SLC24A2: variants seen among roughly 807,000 people sequenced by gnomAD.
SLC24A2 encodes solute carrier family 24 member 2.
SLC24A2 carries 36 observed loss-of-function variants against 62.0 expected under a neutral mutation model. The ratio of observed to expected loss-of-function variants is 0.58; its 90% CI spans 0.44 to 0.77. SLC24A2 has a LOEUF of 0.77. Among genes scored for constraint, SLC24A2 ranks in the 30% least tolerant of loss-of-function variants. SLC24A2 has a pLI of 0.00. For synonymous variants in SLC24A2, 358 were observed against 294.0 expected, an observed-to-expected ratio of 1.22 and a Z score of -2.23; for missense variants, 846 against 817.9, an observed-to-expected ratio of 1.03 and a Z score of -0.42.
intron 6 of SLC24A2, among the ~76,000 whole-genome samples, chr9:19,574,355 G>A (rs1358509509): frequency 6.6e-6 from 1 of 152,196 alleles, no homozygotes; most frequent in Non-Finnish European, 1.5e-5. Context: ...CACTTGAGAA[G>A]TGACTCTAGG....
intron 4 of SLC24A2, among the ~76,000 whole-genome samples, chr9:19,606,473 C>T (rs1324801710): frequency 6.6e-6 from 1 of 152,228 alleles, no homozygotes; most frequent in South Asian, 2.1e-4. Flanking sequence ...GGTTCAACAA[C>T]AGCACTTAAA....
intron 8 of SLC24A2, among the ~76,000 whole-genome samples, chr9:19,543,162 T>C (rs1429060228): frequency 6.6e-6 from 1 of 152,142 alleles, no homozygotes; most frequent in Non-Finnish European, 1.5e-5. Flanking sequence ...CTTGGGAGGG[T>C]GTATGTGTCC....
chr9:20,047,398 G>A, the SLC24A2 span, among the ~76,000 whole-genome samples: 1 of 151,842 alleles, frequency 6.6e-6, no homozygotes, highest in Non-Finnish European at 1.5e-5. Context: ...ACAAAGGTCA[G>A]AGTCAGGTTA....
the SLC24A2 span, among the ~76,000 whole-genome samples, chr9:20,277,464 C>T: frequency 6.6e-6 from 1 of 151,602 alleles, no homozygotes. Context: ...GACATTTAGG[C>T]AGCCGCAAGA....
At chr9:20,118,659 A>G in the SLC24A2 span, among the ~76,000 whole-genome samples, 3 of 152,106 alleles carry the variant, frequency 2.0e-5, no homozygotes, top group Admixed American at 2.0e-4. Context: ...AAAAAAGAGG[A>G]AAAGAAGCAT....
At chr9:19,612,377 G>A (rs1274334063) in intron 4 of SLC24A2, among the ~76,000 whole-genome samples, 3 of 152,088 alleles carry the variant, frequency 2.0e-5, no homozygotes, top group Admixed American at 6.5e-5. Context: ...CAGAGGTCTT[G>A]CTATGTTGCC....
At chr9:20,079,703 G>A in the SLC24A2 span, among the ~76,000 whole-genome samples, 1 of 152,190 alleles carries the variant, frequency 6.6e-6, no homozygotes, top group Non-Finnish European at 1.5e-5. Flanking sequence ...CTGTGAATGG[G>A]AGTTCACTCA....
At chr9:19,642,055 G>C (rs746103639) in intron 2 of SLC24A2, among the ~76,000 whole-genome samples, 14 of 152,126 alleles carry the variant, frequency 9.2e-5, no homozygotes, top group Non-Finnish European at 1.6e-4. Context: ...GGGAGGGAGG[G>C]GAAGTGTGTG....
At position 19,688,702 on chromosome 9, in the gene SLC24A2, C is replaced by T. The variant is rs181532040; in HGVS notation, c.931-66403G>A. On this transcript the variant is annotated intron_variant, in intron 2 of 10. Coordinates refer to ENST00000341998, the MANE Select transcript of SLC24A2 (RefSeq NM_020344.4). ...TCATTTAGGAAATGCACTAGGAGTGCATTTGCAGAAATTTTTGAATATTAT... is the reference window on the plus strand; with the variant it reads ...TCATTTAGGAAATGCACTAGGAGTGTATTTGCAGAAATTTTTGAATATTAT... Among the ~76,000 whole-genome samples the T allele has an allele frequency of 8.3e-4, 127 of 152,168 alleles. 3 individuals carry two copies. The highest frequency in any genetic ancestry group is 2.6e-3 in the African/African-American group (110 of 41,556).
chr9:20,244,720 T>G, the SLC24A2 span, among the ~76,000 whole-genome samples: 4 of 152,238 alleles, frequency 2.6e-5, no homozygotes, highest in East Asian at 7.7e-4. Flanking sequence ...AGGGAAATTA[T>G]GATGGGGAAG....
the SLC24A2 span, among the ~76,000 whole-genome samples, chr9:20,264,121 G>T: frequency 6.6e-6 from 1 of 152,198 alleles, no homozygotes. Context: ...CATTGCATGA[G>T]TCCAGAGATG....
intron 2 of SLC24A2, among the ~76,000 whole-genome samples, chr9:19,692,710 A>G (rs1820078408): frequency 1.3e-5 from 2 of 151,922 alleles, no homozygotes; most frequent in African/African-American, 4.8e-5. Flanking sequence ...TGCTGTGTTT[A>G]TTGTCTCCTT....
the SLC24A2 span, among the ~76,000 whole-genome samples, chr9:19,902,664 G>A: frequency 6.6e-6 from 1 of 151,974 alleles, no homozygotes; most frequent in Non-Finnish European, 1.5e-5. Context: ...TAAGTCTCTG[G>A]AATTTTCACA....
chr9:19,939,791 G>C, the SLC24A2 span, among the ~76,000 whole-genome samples: 1 of 152,304 alleles, frequency 6.6e-6, no homozygotes, highest in South Asian at 2.1e-4. Flanking sequence ...TCATCATGCA[G>C]CACGTGACTA....
the SLC24A2 span, among the ~76,000 whole-genome samples, chr9:19,948,864 A>G: frequency 6.9e-6 from 1 of 145,816 alleles, no homozygotes; most frequent in African/African-American, 2.5e-5. Context: ...AAAAAAAAAA[A>G]AATGAAAACA....
chr9:20,273,005 T>A, the SLC24A2 span, among the ~76,000 whole-genome samples: 1 of 152,162 alleles, frequency 6.6e-6, no homozygotes, highest in African/African-American at 2.4e-5. Flanking sequence ...CATGCCCACA[T>A]CCTGGCTGCC....
chr9:20,304,653 A>G, the SLC24A2 span, among the ~76,000 whole-genome samples: 2 of 152,156 alleles, frequency 1.3e-5, no homozygotes, highest in Non-Finnish European at 2.9e-5. Flanking sequence ...TAGGTAAATT[A>G]CTCTTGATTT....
the SLC24A2 span, among the ~76,000 whole-genome samples, chr9:20,180,193 A>G: frequency 6.6e-6 from 1 of 152,148 alleles, no homozygotes; most frequent in East Asian, 1.9e-4. Flanking sequence ...CTCCTCTATG[A>G]TTTCTTTTTT....
the SLC24A2 span, among the ~76,000 whole-genome samples, chr9:19,897,850 G>A: frequency 3.9e-5 from 6 of 152,134 alleles, no homozygotes; most frequent in Non-Finnish European, 8.8e-5. Flanking sequence ...CCCAAAGCTC[G>A]AGATTTTTCC....
Sources: allele counts gnomAD v4.1 joint callset (sites outside exome capture counted in the v4.1 genomes callset), GRCh38; gene constraint gnomAD v4.1.1; transcripts MANE v1.5; gene names NCBI Gene and HGNC (gene_info 2026-07-23, HGNC 2026-07-21).